EPHA6: variants seen among roughly 807,000 people sequenced by gnomAD.
EPHA6 encodes EPH receptor A6, also known as ephrin type-A receptor 6.
EPHA6 carries 50 observed loss-of-function variants against 112.0 expected under a neutral mutation model. That is an observed-to-expected ratio of 0.45 (90% CI 0.36 to 0.56). EPHA6 has a LOEUF of 0.56. Ranked by LOEUF, EPHA6 falls within the 20% of genes least tolerant of loss-of-function variation. EPHA6 has a pLI of 0.00. For synonymous variants in EPHA6, 529 were observed against 490.7 expected, an observed-to-expected ratio of 1.08 and a Z score of -1.03; for missense variants, 1,280 against 1,417.4, an observed-to-expected ratio of 0.90 and a Z score of 1.56.
At chr3:97,430,494 G>T (rs923179013) in intron 6 of EPHA6, among the ~76,000 whole-genome samples, 2 of 151,980 alleles carry the variant, frequency 1.3e-5, no homozygotes, top group African/African-American at 4.8e-5. Context: ...AAATACCTCT[G>T]CTAGGTACTA....
chr3:97,143,918 A>G (rs1296267797), intron 3 of EPHA6, among the ~76,000 whole-genome samples: 2 of 151,588 alleles, frequency 1.3e-5, no homozygotes, highest in Non-Finnish European at 3.0e-5. Context: ...TTTTAAAGGA[A>G]AAATGAGGAT....
intron 5 of EPHA6, among the ~76,000 whole-genome samples, chr3:97,343,554 C>G (rs1356877712): frequency 6.6e-6 from 1 of 152,038 alleles, no homozygotes; most frequent in East Asian, 1.9e-4. Context: ...TATGGCAAAC[C>G]AACCTTTGTT....
chr3:96,814,680 C>T lies in EPHA6; in HGVS notation c.57C>T (p.Ser19=), dbSNP rs751140548. The T allele has an allele frequency of 1.3e-6, 2 of 1,488,866 alleles. No homozygotes were observed. Among genetic ancestry groups the T allele is most frequent in the African/African-American group, 1.4e-5 (1 of 71,122 alleles). The allele number at this position is 1,488,866 out of a possible 1,614,324, so 92.2% of individuals were successfully genotyped here. The part of the protein sequence containing the change: ...ARSSPAPQAA[S]SSEAAAPATG... ...GCTCCCCGGCGCCGCAGGCAGCGTC[C>T]TCCTCCGAAGCAGCTGCACCTGCAA... The change falls in exon 1 of 18, where the codon TCC becomes TCT. Residue 19 remains serine (S), a synonymous_variant. Coordinates refer to ENST00000389672, the MANE Select transcript of EPHA6 (RefSeq NM_001080448.3).
chr3:97,508,829 C>T (rs577248797), intron 10 of EPHA6, among the ~76,000 whole-genome samples: 3 of 151,662 alleles, frequency 2.0e-5, no homozygotes, highest in Non-Finnish European at 4.4e-5. Flanking sequence ...GTTTTATGAA[C>T]CTGGGAGCTT....
At chr3:97,663,323 T>C (rs999584289) in intron 14 of EPHA6, among the ~76,000 whole-genome samples, 1 of 152,052 alleles carries the variant, frequency 6.6e-6, no homozygotes, top group Non-Finnish European at 1.5e-5. Flanking sequence ...GCCTTTTTTT[T>C]TCTTTTTTTA....
intron 4 of EPHA6, among the ~76,000 whole-genome samples, chr3:97,241,510 C>G (rs927480688): frequency 2.2e-4 from 34 of 151,634 alleles, no homozygotes; most frequent in Middle Eastern, 3.2e-3. Context: ...GATAACAAAG[C>G]AATCAGGCCA....
At chr3:97,054,356 G>A (rs1471828382) in intron 3 of EPHA6, among the ~76,000 whole-genome samples, 2 of 152,028 alleles carry the variant, frequency 1.3e-5, no homozygotes, top group Non-Finnish European at 2.9e-5. Flanking sequence ...ACAAACACCA[G>A]ACTGCAATTC....
chr3:97,491,442 A>T (rs1293432459), intron 10 of EPHA6, among the ~76,000 whole-genome samples: 2 of 152,122 alleles, frequency 1.3e-5, no homozygotes, highest in South Asian at 2.1e-4. Context: ...GGCCAGTGGC[A>T]TGGGCCAGGT....
chr3:96,867,060 T>C (rs1458577904), intron 2 of EPHA6, among the ~76,000 whole-genome samples, 171 bp downstream of exon 2: 1 of 151,878 alleles, frequency 6.6e-6, no homozygotes, highest in East Asian at 1.9e-4. Context: ...GGGAATGATA[T>C]GTAAAGCTCC....
chr3:97,066,712 G>T (rs1036397491), intron 3 of EPHA6, among the ~76,000 whole-genome samples: 3 of 152,180 alleles, frequency 2.0e-5, no homozygotes, highest in Non-Finnish European at 2.9e-5. Flanking sequence ...TTTAGGAACT[G>T]TAGAGATTTC....
At chr3:97,693,589 C>T (rs1202451029) in intron 14 of EPHA6, among the ~76,000 whole-genome samples, 2 of 152,132 alleles carry the variant, frequency 1.3e-5, no homozygotes, top group South Asian at 4.2e-4. Context: ...AGGCAGATCA[C>T]GAGGTTGGGA....
intron 12 of EPHA6, among the ~76,000 whole-genome samples, chr3:97,603,724 A>G (rs1210072486): frequency 2.0e-5 from 3 of 151,922 alleles, no homozygotes; most frequent in Admixed American, 6.6e-5. Context: ...TTAAGAAATT[A>G]TATGTTATAG....
intron 2 of EPHA6, 132 bp downstream of exon 2, chr3:96,867,021 T>A: frequency 2.2e-6 from 1 of 463,074 alleles, no homozygotes; most frequent in Non-Finnish European, 3.8e-6. Context: ...ATAGAAAAGG[T>A]TAAAATACAA....
chr3:97,228,925 A>T (rs1250003918), intron 4 of EPHA6, among the ~76,000 whole-genome samples: 1 of 152,148 alleles, frequency 6.6e-6, no homozygotes, highest in African/African-American at 2.4e-5. Flanking sequence ...TGCAGGAGTA[A>T]GGTGGTATCG....
At chr3:97,059,732 G>T (rs572123893) in intron 3 of EPHA6, among the ~76,000 whole-genome samples, 1 of 150,376 alleles carries the variant, frequency 6.6e-6, no homozygotes, top group East Asian at 1.9e-4. Flanking sequence ...AATGATAAGT[G>T]TAACTTTCAA....
At chr3:97,406,780 T>A (rs72926402) in intron 6 of EPHA6, among the ~76,000 whole-genome samples, 2 of 152,214 alleles carry the variant, frequency 1.3e-5, no homozygotes, top group African/African-American at 2.4e-5. Flanking sequence ...ATTTACTGAG[T>A]TTAAATTGGA....
intron 5 of EPHA6, among the ~76,000 whole-genome samples, chr3:97,260,123 T>C (rs1225922971): frequency 6.6e-6 from 1 of 152,148 alleles, no homozygotes; most frequent in Non-Finnish European, 1.5e-5. Flanking sequence ...TTAAGTAACA[T>C]GTTAAATTAT....
At chr3:97,017,561 A>G (rs1299249462) in intron 3 of EPHA6, among the ~76,000 whole-genome samples, 1 of 152,180 alleles carries the variant, frequency 6.6e-6, no homozygotes, top group Non-Finnish European at 1.5e-5. Flanking sequence ...TTCTAGGTGA[A>G]TCTAGGGCTG....
Position 97,748,755 on chromosome 3 carries a change from T to C in EPHA6, c.*54T>C. 1.1e-6 allele frequency: 1 copy of C among 881,780 alleles called. No homozygotes were observed. The highest frequency in any genetic ancestry group is 1.9e-6 in the Non-Finnish European group (1 of 528,072). The allele number at this position is 881,780 out of a possible 1,614,324, so 54.6% of individuals were successfully genotyped here. A position where few individuals can be genotyped will look rare whatever the true frequency, so the allele number is the denominator to read the frequency against. On this transcript the variant is annotated 3_prime_UTR_variant, in exon 18 of 18. Coordinates refer to ENST00000389672, the MANE Select transcript of EPHA6 (RefSeq NM_001080448.3). ...CTCAGCATTTCTAAAATGAACGATA[T>C]CCTCTCTACTACTCTCTCTTCTGAT...
Sources: allele counts gnomAD v4.1 joint callset (sites outside exome capture counted in the v4.1 genomes callset), GRCh38; gene constraint gnomAD v4.1.1; transcripts MANE v1.5; gene names NCBI Gene and HGNC (gene_info 2026-07-23, HGNC 2026-07-21).